CDCA7L: variants seen among roughly 807,000 people sequenced by gnomAD.
CDCA7L encodes the protein cell division cycle-associated 7-like protein.
CDCA7L carries 44 observed loss-of-function variants against 57.4 expected under a neutral mutation model. The observed-to-expected ratio is 0.77, with a 90% CI of 0.60 to 0.98. CDCA7L has a LOEUF of 0.98. Ranked by LOEUF, CDCA7L falls within the 50% of genes least tolerant of loss-of-function variation. The probability of loss-of-function intolerance (pLI) is 0.00; values close to 1 mark genes in which losing one functional copy is unlikely to be tolerated. For missense variants in CDCA7L, 644 were observed against 580.6 expected, an observed-to-expected ratio of 1.11 and a Z score of -1.12; for synonymous variants, 236 against 202.8, an observed-to-expected ratio of 1.16 and a Z score of -1.39.
chr7:21,924,919 G>A (rs906459410), intron 1 of CDCA7L, among the ~76,000 whole-genome samples: 3 of 152,102 alleles, frequency 2.0e-5, no homozygotes, highest in Admixed American at 6.5e-5. Flanking sequence ...GATGGTCGAC[G>A]AGTTAAATGG....
At chr7:21,906,541 G>A in intron 5 of CDCA7L, 27 bp downstream of exon 5, 1 of 1,613,528 alleles carries the variant, frequency 6.2e-7, no homozygotes, top group Non-Finnish European at 8.5e-7. Flanking sequence ...TATCAGTATT[G>A]GTATAATTAT....
Position 21,902,369 on chromosome 7 carries a change from A to C in CDCA7L, c.1335-17T>G. On this transcript the variant is annotated splice_polypyrimidine_tract_variant and intron_variant, in intron 9 of 9. Transcript: ENST00000406877. ...TTTTGTAAGCTGGGAAAAAGATGAG[A>C]AGTATTTGGTAAAGTAGTACAAATA... 1 of 1,613,196 alleles carries C rather than the reference A, an allele frequency of 6.2e-7. No homozygotes were observed. The highest frequency in any genetic ancestry group is 8.5e-7 in the Non-Finnish European group (1 of 1,179,180).
chr7:21,922,090 G>A (rs1280709821), intron 1 of CDCA7L, among the ~76,000 whole-genome samples: 4 of 152,102 alleles, frequency 2.6e-5, no homozygotes, highest in African/African-American at 4.8e-5. Flanking sequence ...TAAGAAAGGT[G>A]TATTTTACTA....
chr7:21,940,389 T>C, intron 1 of CDCA7L: 2 of 694,286 alleles, frequency 2.9e-6, no homozygotes, highest in Non-Finnish European at 3.5e-6. Context: ...TGCCCTTCCA[T>C]CCATTCAATG....
At chr7:21,902,580 T>TAGATTC in intron 9 of CDCA7L, 2 of 580,336 alleles carry the variant, frequency 3.4e-6, no homozygotes, top group Non-Finnish European at 6.1e-6. Flanking sequence ...CAGAGTTTAT[T>TAGATTC]AATTACATAA....
At chr7:21,913,289 C>A (rs140419794) in intron 2 of CDCA7L, among the ~76,000 whole-genome samples, 12 of 151,716 alleles carry the variant, frequency 7.9e-5, no homozygotes, top group African/African-American at 2.4e-4. Context: ...TTGCTCAGAG[C>A]TGAATTACTT....
At chr7:21,941,851 CTT>C (rs1786350557) in intron 1 of CDCA7L, among the ~76,000 whole-genome samples, 1 of 152,160 alleles carries the variant, frequency 6.6e-6, no homozygotes, top group African/African-American at 2.4e-5. Context: ...CACAGCATGA[CTT>C]TTAAAAGGAA....
At position 21,906,360 on chromosome 7, in the gene CDCA7L, C is replaced by G. The variant is rs372997607; in HGVS notation, c.850G>C (p.Glu284Gln). 2 of 1,613,792 alleles carry G rather than the reference C, an allele frequency of 1.2e-6. No individual in the cohort carries two copies. The highest frequency in any genetic ancestry group is 1.1e-5 in the South Asian group (1 of 91,042). The change falls in exon 6 of 10, where the codon GAG (glutamate) becomes CAG (glutamine). Residue 284 changes from glutamate (E) to glutamine (Q), a missense_variant. By Grantham distance (29) the Glu-to-Gln change is conservative. Coordinates refer to ENST00000406877, the MANE Select transcript of CDCA7L (RefSeq NM_018719.5). ...SARPPEKFAL[E>Q]NFTVSAAKFA... The stretch of plus-strand genomic sequence containing the variant: ...TTAGCGGCTGAGACAGTGAAGTTCT[C>G]TAGAGCAAACTTCTCAGGAGGCCGC...
At chr7:21,906,711 C>T in intron 4 of CDCA7L, 72 bp from the exon 5 acceptor site, 2 of 1,437,142 alleles carry the variant, frequency 1.4e-6, no homozygotes, top group Non-Finnish European at 2.0e-6. Flanking sequence ...ACACCTATCT[C>T]AAGTCTTCCA....
At chr7:21,905,355 A>G in intron 7 of CDCA7L, 151 bp downstream of exon 7, 1 of 784,226 alleles carries the variant, frequency 1.3e-6, no homozygotes. Context: ...CCCCTTTCCC[A>G]GGTACAGCTG....
chr7:21,905,057 C>G (rs1361513280), intron 7 of CDCA7L, among the ~76,000 whole-genome samples: 1 of 152,046 alleles, frequency 6.6e-6, no homozygotes, highest in Non-Finnish European at 1.5e-5. Context: ...GTTACATATC[C>G]AGAAAAACAC....
chr7:21,916,983 C>T, intron 1 of CDCA7L, 89 bp from the exon 2 acceptor site: 1 of 1,467,050 alleles, frequency 6.8e-7, no homozygotes, highest in African/African-American at 1.4e-5. Context: ...GAGATCTCAT[C>T]ACTTCATCCA....
At chr7:21,932,889 T>C (rs1205104725) in intron 1 of CDCA7L, among the ~76,000 whole-genome samples, 1 of 152,076 alleles carries the variant, frequency 6.6e-6, no homozygotes, top group East Asian at 1.9e-4. Flanking sequence ...AAGAAAATTT[T>C]TGTAATCTAC....
At chr7:21,919,514 G>A (rs182729992) in intron 1 of CDCA7L, among the ~76,000 whole-genome samples, 2 of 152,152 alleles carry the variant, frequency 1.3e-5, no homozygotes, top group African/African-American at 2.4e-5. Flanking sequence ...AACCAAGCTC[G>A]GAGAACACAA....
chr7:21,914,075 A>G (rs776866117), intron 2 of CDCA7L, among the ~76,000 whole-genome samples: 1 of 152,216 alleles, frequency 6.6e-6, no homozygotes, highest in African/African-American at 2.4e-5. Flanking sequence ...CCATAAGCAA[A>G]TAACACATCA....
intron 3 of CDCA7L, among the ~76,000 whole-genome samples, chr7:21,909,917 G>A (rs1471108897): frequency 6.6e-6 from 1 of 152,190 alleles, no homozygotes; most frequent in East Asian, 1.9e-4. Context: ...CCAAGTTACA[G>A]CAATGTCCCA....
intron 2 of CDCA7L, among the ~76,000 whole-genome samples, chr7:21,914,006 T>A (rs747322569): frequency 6.6e-6 from 1 of 152,232 alleles, no homozygotes; most frequent in Non-Finnish European, 1.5e-5. Flanking sequence ...GGTTCATTCA[T>A]CTTCAAAATC....
rs1286518250 is a variant in CDCA7L at position 21,902,299 on chromosome 7, G to A, written c.*23C>T. ...TTGTTGGAGTACTCTATGGTGAGGTGGCTGGTTCTGTTTGTTTTCCTCTTA... is the reference window on the plus strand; with the variant it reads ...TTGTTGGAGTACTCTATGGTGAGGTAGCTGGTTCTGTTTGTTTTCCTCTTA... On this transcript the variant is annotated 3_prime_UTR_variant, in exon 10 of 10. Coordinates refer to ENST00000406877, the MANE Select transcript of CDCA7L (RefSeq NM_018719.5). 1 of 1,610,610 alleles carries A rather than the reference G, an allele frequency of 6.2e-7. No homozygotes were observed. Among genetic ancestry groups the A allele is most frequent in the Non-Finnish European group, 8.5e-7 (1 of 1,176,830 alleles).
At chr7:21,903,142 C>G (rs185999295) in intron 8 of CDCA7L, 28 bp from the exon 9 acceptor site, 1 of 1,604,556 alleles carries the variant, frequency 6.2e-7, no homozygotes, top group Non-Finnish European at 8.5e-7. Flanking sequence ...GCAGACACTT[C>G]GCTCATTATC....
Sources: gnomAD v4.1 joint callset for allele counts (sites outside exome capture counted in the v4.1 genomes callset) on GRCh38, gnomAD v4.1.1 for gene constraint, MANE v1.5 for transcripts, NCBI Gene and HGNC (gene_info 2026-07-23, HGNC 2026-07-21) for gene names.